The following VPS41 variants were observed in gnomAD, a reference collection of about 807,000 sequenced individuals.
VPS41 encodes VPS41 subunit of HOPS complex.
A neutral mutation model predicts 130.9 loss-of-function variants in VPS41; 85 were observed. The observed-to-expected ratio is 0.65, with a 90% CI of 0.55 to 0.78. The LOEUF (loss-of-function observed/expected upper bound fraction) is 0.78. Among genes scored for constraint, VPS41 ranks in the 30% least tolerant of loss-of-function variants. VPS41 has a pLI of 0.00. For missense variants in VPS41, 874 were observed against 1,018.7 expected (o/e 0.86, Z 1.93); for synonymous variants, 335 against 332.9 (o/e 1.01, Z -0.07).
At chr7:38,755,563 C>T (rs568505856) in intron 19 of VPS41, among the ~76,000 whole-genome samples, 10 of 152,276 alleles carry the variant, frequency 6.6e-5, no homozygotes, top group South Asian at 2.1e-4. Flanking sequence ...GAGCCTCACA[C>T]GGAACACCTG....
intron 4 of VPS41, among the ~76,000 whole-genome samples, chr7:38,831,590 C>A (rs1204255254): frequency 6.6e-6 from 1 of 152,242 alleles, no homozygotes; most frequent in Non-Finnish European, 1.5e-5. Flanking sequence ...CTTCTATATA[C>A]ACGTTTATGT....
At chr7:38,883,124 T>G (rs1409127344) in intron 2 of VPS41, among the ~76,000 whole-genome samples, 2 of 152,154 alleles carry the variant, frequency 1.3e-5, no homozygotes, top group Non-Finnish European at 2.9e-5. Flanking sequence ...GCACCTGTAC[T>G]CCTAGCTATT....
chr7:38,880,451 C>A (rs1786580471), intron 2 of VPS41, among the ~76,000 whole-genome samples: 1 of 152,120 alleles, frequency 6.6e-6, no homozygotes, highest in Non-Finnish European at 1.5e-5. Flanking sequence ...AGCCAAGAAC[C>A]TCTCCTGGAT....
intron 18 of VPS41, among the ~76,000 whole-genome samples, chr7:38,757,398 G>A (rs189370519): frequency 3.9e-5 from 6 of 152,266 alleles, no homozygotes; most frequent in Non-Finnish European, 5.9e-5. Flanking sequence ...CTGATTTTAA[G>A]GGGGCTGTGT....
intron 27 of VPS41, 180 bp from the exon 28 acceptor site, chr7:38,727,168 T>C (rs773639840): frequency 4.4e-6 from 2 of 458,954 alleles, no homozygotes; most frequent in Non-Finnish European, 7.5e-6. Context: ...ACAGGTATTA[T>C]AATCATGTTG....
At chr7:38,845,862 G>A (rs898066196) in intron 4 of VPS41, among the ~76,000 whole-genome samples, 2 of 152,088 alleles carry the variant, frequency 1.3e-5, no homozygotes, top group African/African-American at 2.4e-5. Flanking sequence ...TTTTCTTTCC[G>A]TATATAAGTA....
Position 38,859,639 on chromosome 7 carries a change from T to G in VPS41, c.246+2906A>C, listed in dbSNP as rs116824584. Among the ~76,000 whole-genome samples, 1,225 of 152,296 alleles carry G rather than the reference T, an allele frequency of 8.0e-3. 16 individuals are homozygous for G. Among genetic ancestry groups the G allele is most frequent in the African/African-American group, 0.028 (1,156 of 41,562 alleles). On this transcript the variant is annotated intron_variant, in intron 4 of 28. Coordinates refer to ENST00000310301, the MANE Select transcript of VPS41 (RefSeq NM_014396.4). ...AACAGGCTATACCATACAGCCTAAG[T>G]GTACAGTAGGCTGTACCACCTAGGT...
chr7:38,796,600 C>T, intron 8 of VPS41, 145 bp downstream of exon 8: 1 of 1,181,520 alleles, frequency 8.5e-7, no homozygotes. Flanking sequence ...TCTTTAACCT[C>T]CTAGGTATGA....
At chr7:38,832,859 T>C (rs998369781) in intron 4 of VPS41, among the ~76,000 whole-genome samples, 4 of 152,168 alleles carry the variant, frequency 2.6e-5, no homozygotes, top group Non-Finnish European at 5.9e-5. Flanking sequence ...CCTACATTTT[T>C]ATCTCCAGGC....
chr7:38,818,249 C>G (rs367791784), intron 6 of VPS41, among the ~76,000 whole-genome samples: 1 of 130,336 alleles, frequency 7.7e-6, no homozygotes, highest in Non-Finnish European at 1.6e-5. Flanking sequence ...GAAAACAAAA[C>G]AAAAAAAAAA....
intron 2 of VPS41, among the ~76,000 whole-genome samples, chr7:38,880,251 A>G (rs71548642): frequency 0.019 from 2,903 of 152,324 alleles, 29 homozygotes; most frequent in Middle Eastern, 0.058. Flanking sequence ...ACTTCCTATC[A>G]CATGACCAGA....
intron 17 of VPS41, 135 bp downstream of exon 17, chr7:38,763,320 T>C (rs574457495): frequency 2.0e-6 from 1 of 499,874 alleles, no homozygotes; most frequent in Admixed American, 3.9e-5. Flanking sequence ...GGAGTTTCTC[T>C]AGCTCAGTTT....
rs1157258020 is a variant in VPS41, at chr7:38,832,246, T to A, written c.247-1918A>T. On this transcript the variant is annotated intron_variant, in intron 4 of 28. Transcript: ENST00000310301. ...GATATTGTATATACAGTCTCCTATT[T>A]TTTTGCATGATGGTTATTACTTTAT... Among the ~76,000 whole-genome samples, 3 of 151,998 alleles carry A rather than the reference T, an allele frequency of 2.0e-5. No homozygotes were observed. The East Asian group carries it at 5.8e-4, about 29-fold the overall frequency.
chr7:38,823,529 T>C (rs1383037443), intron 5 of VPS41, among the ~76,000 whole-genome samples: 1 of 152,206 alleles, frequency 6.6e-6, no homozygotes, highest in Non-Finnish European at 1.5e-5. Flanking sequence ...AAAATAAATA[T>C]AGGACTACTT....
At chr7:38,902,486 C>T (rs1431679958) in intron 1 of VPS41, among the ~76,000 whole-genome samples, 1 of 152,172 alleles carries the variant, frequency 6.6e-6, no homozygotes, top group Non-Finnish European at 1.5e-5. Context: ...AAAAAGCTTC[C>T]ATATAAAAAC....
chr7:38,776,861 T>C, intron 10 of VPS41, 85 bp from the exon 11 acceptor site: 5 of 676,244 alleles, frequency 7.4e-6, no homozygotes, highest in Non-Finnish European at 1.3e-5. Flanking sequence ...CTGTGAATGC[T>C]AGTGGACCCC....
rs139485137 is a variant in VPS41, at chr7:38,767,538, G to A, written c.1246C>T (p.Arg416Cys). The A allele has an allele frequency of 3.8e-3, 6,023 of 1,596,732 alleles. 18 individuals are homozygous for A. The highest frequency in any genetic ancestry group is 4.1e-3 in the Non-Finnish European group (4,840 of 1,168,066). The stretch of plus-strand genomic sequence containing the variant: ...TAATTGTGAAAATGTCATCATTACC[G>A]TGCTGCTATGTCATAGTCTCCTCTC... ...VERGDYDIAA[R>C]KCQKILGKNA... Residue 416 changes from arginine to cysteine, a missense_variant and splice_region_variant, in exon 15 of 29, where the codon CGC (arginine) becomes TGC (cysteine). Coordinates refer to ENST00000310301, the MANE Select transcript of VPS41 (RefSeq NM_014396.4).
chr7:38,759,370 T>G (rs62444107), intron 17 of VPS41, among the ~76,000 whole-genome samples: 36,027 of 152,116 alleles, frequency 0.24, 4,992 homozygotes, highest in East Asian at 0.43. Context: ...GAGTATAGCA[T>G]GAGAAACTGA....
rs376247916 is a variant in VPS41 at position 38,727,879 on chromosome 7, A to G, written c.2404+663T>C. On this transcript the variant is annotated intron_variant, in intron 27 of 28. Transcript: ENST00000310301. ...ATTTCTTCTGTCATAATAAACCTTA[A>G]GAAGGTGCTTTTCATTACAGATGAA... Among the ~76,000 whole-genome samples, 4 of 152,334 alleles carry G rather than the reference A, an allele frequency of 2.6e-5. No individual in the cohort carries two copies. In the East Asian group the frequency reaches 5.8e-4, roughly 22 times the overall value.
Sources: allele counts gnomAD v4.1 joint callset (sites outside exome capture counted in the v4.1 genomes callset), GRCh38; gene constraint gnomAD v4.1.1; transcripts MANE v1.5; gene names NCBI Gene and HGNC (gene_info 2026-07-23, HGNC 2026-07-21).